Variants in PDE12 observed in about 807,000 individuals in gnomAD.
PDE12 encodes the protein phosphodiesterase 12, also known as 2',5'-phosphodiesterase 12.
A neutral mutation model predicts 45.4 loss-of-function variants in PDE12; 26 were observed. The observed-to-expected ratio is 0.57, with a 90% CI of 0.42 to 0.79. The LOEUF is 0.79. Among genes scored for constraint, PDE12 ranks in the 30% least tolerant of loss-of-function variants. PDE12 has a pLI of 0.00. For synonymous variants in PDE12, 283 were observed against 323.9 expected (o/e 0.87, Z 1.36); for missense variants, 668 against 790.0 (o/e 0.85, Z 1.85).
the PDE12 span, among the ~76,000 whole-genome samples, chr3:57,619,096 T>C: frequency 0.13 from 20,216 of 152,042 alleles, 1,429 homozygotes; most frequent in South Asian, 0.21. Flanking sequence ...ACGCCTGTAA[T>C]CCCAGCACTT....
the PDE12 span, among the ~76,000 whole-genome samples, chr3:57,651,194 G>T: frequency 6.6e-6 from 1 of 152,178 alleles, no homozygotes; most frequent in East Asian, 1.9e-4. Flanking sequence ...AAAGCAGTAC[G>T]CATTCAGTAT....
At chr3:57,575,478 T>C in the PDE12 span, 1 of 1,444,958 alleles carries the variant, frequency 6.9e-7, no homozygotes, top group South Asian at 1.4e-5. Flanking sequence ...TTAAACTGAA[T>C]ATTAGCTTAC....
chr3:57,643,729 A>T, the PDE12 span, among the ~76,000 whole-genome samples: 3 of 150,586 alleles, frequency 2.0e-5, no homozygotes, highest in African/African-American at 7.3e-5. Context: ...TGGGAGGCTG[A>T]GGTAGGAGAA....
the PDE12 span, among the ~76,000 whole-genome samples, chr3:57,647,930 A>G: frequency 2.6e-5 from 4 of 152,206 alleles, no homozygotes; most frequent in South Asian, 8.3e-4. Flanking sequence ...GCAGAAGGGA[A>G]GCCAGGTGTA....
At chr3:57,647,959 G>T in the PDE12 span, among the ~76,000 whole-genome samples, 2 of 151,902 alleles carry the variant, frequency 1.3e-5, no homozygotes, top group African/African-American at 2.4e-5. Flanking sequence ...GGGCCCAGTG[G>T]GGATGAGAAA....
chr3:57,602,496 A>G, the PDE12 span, among the ~76,000 whole-genome samples: 10 of 152,038 alleles, frequency 6.6e-5, no homozygotes, highest in Non-Finnish European at 1.0e-4. Flanking sequence ...GGCCCACCCT[A>G]TTACCTCTCA....
chr3:57,604,619 G>A, the PDE12 span, among the ~76,000 whole-genome samples: 2 of 23,348 alleles, frequency 8.6e-5, no homozygotes, highest in Non-Finnish European at 1.2e-4. Flanking sequence ...TTTTTTTTTG[G>A]GGGGGGTGGG....
At chr3:57,632,026 T>G in the PDE12 span, among the ~76,000 whole-genome samples, 1 of 126,314 alleles carries the variant, frequency 7.9e-6, no homozygotes, top group Non-Finnish European at 1.7e-5. Context: ...CCGGCCTTTT[T>G]TTTTTTTTTT....
the PDE12 span, chr3:57,646,230 G>T: frequency 6.6e-7 from 1 of 1,511,800 alleles, no homozygotes; most frequent in Non-Finnish European, 8.9e-7. Flanking sequence ...AATACGACAG[G>T]TGGGAAGTGC....
the PDE12 span, among the ~76,000 whole-genome samples, chr3:57,576,043 TTAGA>T: frequency 2.0e-5 from 3 of 152,196 alleles, no homozygotes; most frequent in East Asian, 1.9e-4. Context: ...GCAGAAGTAC[TTAGA>T]TAGATGATGA....
the PDE12 span, among the ~76,000 whole-genome samples, chr3:57,650,421 T>C: frequency 6.0e-5 from 9 of 149,870 alleles, no homozygotes; most frequent in Non-Finnish European, 1.3e-4. Context: ...TGCATTTACA[T>C]ACACACACAC....
chr3:57,597,882 G>A, the PDE12 span: 1 of 152,246 alleles, frequency 6.6e-6, no homozygotes, highest in South Asian at 2.1e-4. Flanking sequence ...CCGGTCTTTT[G>A]CGGAGAAAAG....
the PDE12 span, among the ~76,000 whole-genome samples, chr3:57,594,424 A>G: frequency 2.4e-4 from 36 of 152,202 alleles, no homozygotes; most frequent in African/African-American, 7.5e-4. Flanking sequence ...AGTATGGGCA[A>G]TATCATCACT....
chr3:57,560,765 TTTAAG>T lies in PDE12; in HGVS notation c.*767_*771del, dbSNP rs1410473055. 1 of 985,630 alleles carries T rather than the reference TTTAAG, an allele frequency of 1.0e-6. No homozygotes were observed. The highest frequency in any genetic ancestry group is 1.7e-5 in the African/African-American group (1 of 57,358). 61.1% of individuals were successfully genotyped at this position (985,630 alleles called of 1,614,324 possible). ...CTTATGTACTAAGAGGGAAAATGTA[TTTAAG>T]TTAAGGGTGAGAGACTTAAGTTATA... is the stretch of plus-strand genomic sequence containing the variant. On this transcript the variant is annotated 3_prime_UTR_variant, in exon 3 of 3. Coordinates refer to ENST00000311180, the MANE Select transcript of PDE12 (RefSeq NM_177966.7).
At chr3:57,651,003 C>T in the PDE12 span, among the ~76,000 whole-genome samples, 8 of 152,022 alleles carry the variant, frequency 5.3e-5, no homozygotes, top group Non-Finnish European at 8.8e-5. Flanking sequence ...AGACTGGTCT[C>T]GAACTCCCGA....
the PDE12 span, among the ~76,000 whole-genome samples, chr3:57,579,177 T>TTGGCAGGCGGAGGCTGCAGTGAGCCGAGA: frequency 6.1e-5 from 8 of 131,392 alleles, no homozygotes; most frequent in African/African-American, 2.3e-4. Flanking sequence ...TCCCAGCTAC[T>TTGGCAGGCGGAGGCTGCAGTGAGCCGAGA]TGGCAGGCGG....
Position 57,561,146 on chromosome 3 carries a change from C to T in PDE12, c.*1142C>T. The T allele has an allele frequency of 7.1e-6, 7 of 985,196 alleles. No homozygotes were observed. The highest frequency in any genetic ancestry group is 8.4e-6 in the Non-Finnish European group (7 of 829,364). 61.0% of individuals were successfully genotyped at this position (985,196 alleles called of 1,614,324 possible). The stretch of plus-strand genomic sequence containing the variant: ...CTTGATCCCATTGTCTTCAGTTACT[C>T]TTGCCCATGAAAAATGTTCATAAAT... On this transcript the variant is annotated 3_prime_UTR_variant, in exon 3 of 3. Transcript: ENST00000311180.
chr3:57,575,688 TA>T, the PDE12 span: 1 of 1,603,642 alleles, frequency 6.2e-7, no homozygotes, highest in African/African-American at 1.3e-5. Context: ...AAATAAAAGG[TA>T]AGGCATTAAC....
the PDE12 span, among the ~76,000 whole-genome samples, chr3:57,579,368 A>G: frequency 6.6e-6 from 1 of 151,584 alleles, no homozygotes; most frequent in African/African-American, 2.4e-5. Context: ...GCTCACTGCA[A>G]ACCCCTCCTC....
Sources: gnomAD v4.1 joint callset for allele counts (sites outside exome capture counted in the v4.1 genomes callset) on GRCh38, gnomAD v4.1.1 for gene constraint, MANE v1.5 for transcripts, NCBI Gene and HGNC (gene_info 2026-07-23, HGNC 2026-07-21) for gene names.